Variants in SAMTOR observed in about 807,000 individuals in gnomAD.
SAMTOR encodes UPF0532 protein C7orf60.
At chr7:112,904,467 C>A in the SAMTOR span, among the ~76,000 whole-genome samples, 54 of 152,106 alleles carry the variant, frequency 3.6e-4, no homozygotes, top group African/African-American at 1.3e-3. Flanking sequence ...AATAAAATCA[C>A]AGAATATCTA....
chr7:112,830,708 A>G, the SAMTOR span, among the ~76,000 whole-genome samples: 8 of 152,216 alleles, frequency 5.3e-5, no homozygotes, highest in Non-Finnish European at 1.2e-4. Flanking sequence ...TAATGGTTTT[A>G]GGACTTGCTT....
the SAMTOR span, among the ~76,000 whole-genome samples, chr7:112,916,880 G>C: frequency 1.3e-5 from 2 of 152,350 alleles, no homozygotes; most frequent in Non-Finnish European, 2.9e-5. Flanking sequence ...AGGCGGCAGC[G>C]AGACTGGGGG....
chr7:112,844,631 T>G, the SAMTOR span, among the ~76,000 whole-genome samples: 1 of 152,188 alleles, frequency 6.6e-6, no homozygotes, highest in Admixed American at 6.5e-5. Context: ...TCCATGTTCA[T>G]GCATAGGAAG....
chr7:112,872,853 T>C, the SAMTOR span, among the ~76,000 whole-genome samples: 1 of 151,530 alleles, frequency 6.6e-6, no homozygotes. Flanking sequence ...TTCTATACTA[T>C]TTATAATGGC....
the SAMTOR span, among the ~76,000 whole-genome samples, chr7:112,916,390 C>T: frequency 1.3e-5 from 2 of 152,174 alleles, no homozygotes; most frequent in African/African-American, 4.8e-5. Flanking sequence ...TAGGTTCTTA[C>T]ACCCCATAAG....
chr7:112,883,028 T>C, the SAMTOR span, among the ~76,000 whole-genome samples: 4 of 152,218 alleles, frequency 2.6e-5, no homozygotes, highest in African/African-American at 7.2e-5. Flanking sequence ...GTCCTTTTTA[T>C]TAGATAATTT....
At chr7:112,933,025 G>A in the SAMTOR span, among the ~76,000 whole-genome samples, 2 of 152,284 alleles carry the variant, frequency 1.3e-5, no homozygotes, top group African/African-American at 4.8e-5. Flanking sequence ...TTGAATTGGT[G>A]GGGGAAGGAA....
the SAMTOR span, among the ~76,000 whole-genome samples, chr7:112,852,135 T>C: frequency 6.6e-6 from 1 of 152,076 alleles, no homozygotes; most frequent in South Asian, 2.1e-4. Context: ...AGAAATTATA[T>C]ATAAAGACAC....
At chr7:112,899,789 G>GAAAAAAAAAAAAAAAA in the SAMTOR span, among the ~76,000 whole-genome samples, 5 of 113,382 alleles carry the variant, frequency 4.4e-5, no homozygotes, top group African/African-American at 1.5e-4. Context: ...TGTGCTGAAG[G>GAAAAAAAAAAAAAAAA]AAAAAAAAAA....
the SAMTOR span, among the ~76,000 whole-genome samples, chr7:112,920,688 T>A: frequency 7.0e-6 from 1 of 143,674 alleles, no homozygotes; most frequent in South Asian, 2.4e-4. Context: ...CATGATTGTA[T>A]ATCTAGAAAA....
the SAMTOR span, among the ~76,000 whole-genome samples, chr7:112,868,475 G>A: frequency 1.3e-5 from 2 of 152,130 alleles, no homozygotes; most frequent in African/African-American, 2.4e-5. Context: ...TCACTTTTCT[G>A]CTAGTTATCT....
chr7:112,822,493 T>G, the SAMTOR span: 1 of 875,856 alleles, frequency 1.1e-6, no homozygotes, highest in Non-Finnish European at 1.7e-6. Flanking sequence ...TATACATTTT[T>G]CCTTTTAAAT....
At chr7:112,903,995 G>A in the SAMTOR span, among the ~76,000 whole-genome samples, 1 of 151,844 alleles carries the variant, frequency 6.6e-6, no homozygotes, top group African/African-American at 2.4e-5. Context: ...AAATGCTAAA[G>A]GCATTCAATT....
chr7:112,831,812 G>A, the SAMTOR span, among the ~76,000 whole-genome samples: 7 of 152,096 alleles, frequency 4.6e-5, no homozygotes, highest in East Asian at 9.6e-4. Flanking sequence ...TAGTTTCATC[G>A]ACTCAAGTAC....
chr7:112,909,310 T>C, the SAMTOR span, among the ~76,000 whole-genome samples: 1 of 152,152 alleles, frequency 6.6e-6, no homozygotes, highest in Non-Finnish European at 1.5e-5. Flanking sequence ...AAAGACCCCA[T>C]CTTTTGGGAA....
chr7:112,931,041 T>C, the SAMTOR span, among the ~76,000 whole-genome samples: 18 of 152,358 alleles, frequency 1.2e-4, no homozygotes, highest in South Asian at 2.9e-3. Flanking sequence ...ATTTAGTCTC[T>C]GCAACTGCAT....
At chr7:112,908,538 T>C in the SAMTOR span, among the ~76,000 whole-genome samples, 1 of 152,168 alleles carries the variant, frequency 6.6e-6, no homozygotes, top group Non-Finnish European at 1.5e-5. Context: ...CACATCCTAT[T>C]GCTTCTGTTT....
the SAMTOR span, among the ~76,000 whole-genome samples, chr7:112,912,772 C>A: frequency 2.0e-5 from 3 of 151,440 alleles, no homozygotes; most frequent in African/African-American, 4.9e-5. Context: ...CATCAGTTTA[C>A]ATAAAAAATG....
At chr7:112,903,334 C>G in the SAMTOR span, among the ~76,000 whole-genome samples, 16 of 147,398 alleles carry the variant, frequency 1.1e-4, no homozygotes, top group African/African-American at 4.0e-4. Flanking sequence ...AAAGTCGTAT[C>G]ATAAAAAGAC....
Sources: gnomAD v4.1 joint callset for allele counts (sites outside exome capture counted in the v4.1 genomes callset) on GRCh38, gnomAD v4.1.1 for gene constraint, MANE v1.5 for transcripts, NCBI Gene and HGNC (gene_info 2026-07-23, HGNC 2026-07-21) for gene names.